CNBD1: variants seen among roughly 807,000 people sequenced by gnomAD.
CNBD1 encodes cyclic nucleotide-binding domain-containing protein 1.
A neutral mutation model predicts 54.4 loss-of-function variants in CNBD1; 71 were observed. The observed-to-expected ratio is 1.30, with a 90% confidence interval of 1.08 to 1.59. CNBD1 has a LOEUF of 1.59. CNBD1 is among the 40% of genes most tolerant of loss of function. CNBD1 has a pLI of 0.00. For synonymous variants in CNBD1, 182 were observed against 170.7 expected, an observed-to-expected ratio of 1.07 and a Z score of -0.51; for missense variants, 659 against 518.0, an observed-to-expected ratio of 1.27 and a Z score of -2.64.
At chr8:86,906,720 T>C (rs1416391226) in intron 3 of CNBD1, among the ~76,000 whole-genome samples, 1 of 152,254 alleles carries the variant, frequency 6.6e-6, no homozygotes, top group African/African-American at 2.4e-5. Flanking sequence ...ATTTATTCAT[T>C]AATCTACCAG....
chr8:87,073,874 G>A (rs919690241), intron 4 of CNBD1, among the ~76,000 whole-genome samples: 6 of 151,956 alleles, frequency 3.9e-5, no homozygotes, highest in African/African-American at 1.5e-4. Flanking sequence ...GGCTGAGGTG[G>A]GCAGATCACG....
At chr8:87,122,879 C>T (rs1811918183) in intron 4 of CNBD1, among the ~76,000 whole-genome samples, 4 of 151,832 alleles carry the variant, frequency 2.6e-5, no homozygotes, top group South Asian at 4.1e-4. Flanking sequence ...GATGTATGGG[C>T]TTGTTTCTAG....
Position 87,388,146 on chromosome 8 carries a change from A to G in CNBD1, c.213+34360A>G, listed in dbSNP as rs181007487. 1.5e-3 allele frequency among the ~76,000 whole-genome samples: 226 copies of G among 152,310 alleles called. 1 individual carries two copies. Among genetic ancestry groups the G allele is most frequent in the Non-Finnish European group, 3.0e-3 (201 of 68,042 alleles). ...TATAGCACTAAATGCCCACAAGAGAAAGAAGGAAAGATCTAAAATTGACAC... is the reference window on the plus strand; with the variant it reads ...TATAGCACTAAATGCCCACAAGAGAGAGAAGGAAAGATCTAAAATTGACAC... On this transcript the variant is annotated intron_variant, in intron 2 of 7. Transcript: ENST00000521593.
At chr8:87,114,980 G>A (rs989789705) in intron 4 of CNBD1, among the ~76,000 whole-genome samples, 1 of 152,126 alleles carries the variant, frequency 6.6e-6, no homozygotes, top group Non-Finnish European at 1.5e-5. Flanking sequence ...CAACTCAATA[G>A]AATGTCATAG....
At chr8:87,307,729 C>T (rs1301644531) in intron 8 of CNBD1, among the ~76,000 whole-genome samples, 2 of 95,188 alleles carry the variant, frequency 2.1e-5, no homozygotes, top group Non-Finnish European at 4.8e-5. Flanking sequence ...AAGAGTGAAA[C>T]TCCGTCTCAA....
chr8:87,228,360 A>G (rs1236096547), intron 5 of CNBD1, among the ~76,000 whole-genome samples: 1 of 149,380 alleles, frequency 6.7e-6, no homozygotes, highest in East Asian at 1.9e-4. Context: ...TTTTTTCCCC[A>G]TCTTTGTGGT....
At chr8:86,937,718 C>A (rs1037105657) in intron 3 of CNBD1, among the ~76,000 whole-genome samples, 1 of 133,116 alleles carries the variant, frequency 7.5e-6, no homozygotes, top group Non-Finnish European at 1.6e-5. Context: ...AGGCTCTGGG[C>A]GAGACCCATG....
intron 2 of CNBD1, among the ~76,000 whole-genome samples, chr8:87,393,871 G>C (rs1339309076): frequency 6.6e-6 from 1 of 151,758 alleles, no homozygotes; most frequent in Non-Finnish European, 1.5e-5. Flanking sequence ...ACAAATGTGA[G>C]TGTTAGTGAA....
intron 2 of CNBD1, among the ~76,000 whole-genome samples, chr8:87,423,344 G>C (rs1045839332): frequency 6.8e-6 from 1 of 147,922 alleles, no homozygotes; most frequent in Non-Finnish European, 1.5e-5. Flanking sequence ...GGGCATCCCT[G>C]TCTTGTGCCA....
In CNBD1 at chr8:87,249,694, G is replaced by T. The variant is rs147844357; in HGVS notation, c.771+12582G>T. ...TGCAGCCTAATTCCTAACCAAATCA[G>T]GCTTCTGTTAGCAAGCAAAACAGGA... is the stretch of plus-strand genomic sequence containing the variant. On this transcript the variant is annotated intron_variant, in intron 6 of 10. Coordinates refer to ENST00000518476, the MANE Select transcript of CNBD1 (RefSeq NM_173538.3). 4.6e-5 allele frequency among the ~76,000 whole-genome samples: 7 copies of T among 152,250 alleles called. No individual in the cohort carries two copies. The East Asian group carries it at 1.4e-3, about 29-fold the overall frequency.
chr8:86,886,760 T>C (rs1808686084), intron 1 of CNBD1, among the ~76,000 whole-genome samples: 1 of 152,184 alleles, frequency 6.6e-6, no homozygotes, highest in Non-Finnish European at 1.5e-5. Context: ...AACTTTTCAC[T>C]AAAGAAAGGA....
intron 8 of CNBD1, among the ~76,000 whole-genome samples, chr8:87,295,311 A>G (rs1808858718): frequency 6.6e-6 from 1 of 152,012 alleles, no homozygotes. Flanking sequence ...CATACTTTGT[A>G]GAAAGTATAT....
chr8:87,099,209 G>A lies in CNBD1; in HGVS notation c.432-106784G>A, dbSNP rs748358231. ...TTTTAAAAATGGAGAAAGGCTAGGG[G>A]TTTGTCAGTTTAGAAAAAAATAATC... On this transcript the variant is annotated intron_variant, in intron 4 of 10. Transcript: ENST00000518476. Among the ~76,000 whole-genome samples, 24 of 152,006 alleles carry A rather than the reference G, an allele frequency of 1.6e-4. 1 individual carries two copies. Among genetic ancestry groups the A allele is most frequent in the Admixed American group, 2.0e-4 (3 of 15,254 alleles).
chr8:87,339,578 A>G (rs1205670527), intron 8 of CNBD1, among the ~76,000 whole-genome samples: 1 of 152,072 alleles, frequency 6.6e-6, no homozygotes, highest in Non-Finnish European at 1.5e-5. Flanking sequence ...GTGACTTCCA[A>G]GCTTCTTATA....
chr8:86,902,467 A>C (rs1808953561), intron 2 of CNBD1, among the ~76,000 whole-genome samples: 1 of 152,138 alleles, frequency 6.6e-6, no homozygotes, highest in Admixed American at 6.6e-5. Context: ...AGGTCCCTCC[A>C]TGTGGGCATG....
chr8:87,314,393 A>G (rs530105643), intron 8 of CNBD1, among the ~76,000 whole-genome samples: 5 of 151,992 alleles, frequency 3.3e-5, no homozygotes. Context: ...TGGCAGCTAA[A>G]AAGGATTTGA....
chr8:86,963,757 T>C (rs970295534), intron 4 of CNBD1, among the ~76,000 whole-genome samples: 1 of 151,892 alleles, frequency 6.6e-6, no homozygotes, highest in Admixed American at 6.6e-5. Flanking sequence ...CAGGAGGAGG[T>C]CCAACCTCCT....
intron 10 of CNBD1, among the ~76,000 whole-genome samples, chr8:87,371,819 G>T (rs370581750): frequency 4.0e-5 from 6 of 151,844 alleles, no homozygotes. Context: ...AATAAATTAG[G>T]TATTGACAGG....
In CNBD1 at chr8:86,887,554, C is replaced by G; in HGVS notation, c.101C>G (p.Ser34Cys). The change falls in exon 2 of 11, where the codon TCT becomes TGT. Residue 34 changes from serine (S) to cysteine (C), a missense_variant. Ser to Cys is a moderately radical substitution (Grantham distance 112). Transcript: ENST00000518476. ...PLHSIPNLKK[S>C]KHINYGQLNA... The stretch of plus-strand genomic sequence containing the variant: ...GATTTTTTTTCAGACTTGAAAAAGT[C>G]TAAGCACATTAATTATGGCCAGTTG... 1 of 1,567,278 alleles carries G rather than the reference C, an allele frequency of 6.4e-7. No individual in the cohort carries two copies. Among genetic ancestry groups the G allele is most frequent in the Non-Finnish European group, 8.7e-7 (1 of 1,153,306 alleles).
Sources: gnomAD v4.1 joint callset for allele counts (sites outside exome capture counted in the v4.1 genomes callset) on GRCh38, gnomAD v4.1.1 for gene constraint, MANE v1.5 for transcripts, NCBI Gene and HGNC (gene_info 2026-07-23, HGNC 2026-07-21) for gene names.